CMTM7: variants seen among roughly 807,000 people sequenced by gnomAD.
CMTM7 encodes CKLF like MARVEL transmembrane domain containing 7.
CMTM7 carries 7 observed loss-of-function variants against 19.3 expected under a neutral mutation model. The ratio of observed to expected loss-of-function variants is 0.36; its 90% CI spans 0.21 to 0.68. CMTM7 has a LOEUF of 0.68. Ranked by LOEUF, CMTM7 falls within the 30% of genes least tolerant of loss-of-function variation. CMTM7 has a pLI of 0.60. For missense variants in CMTM7, 193 were observed against 232.6 expected (o/e 0.83, Z 1.11); for synonymous variants, 87 against 99.3 (o/e 0.88, Z 0.74).
chr3:32,417,403 A>G (rs1300322933), intron 1 of CMTM7, among the ~76,000 whole-genome samples: 1 of 152,246 alleles, frequency 6.6e-6, no homozygotes, highest in Non-Finnish European at 1.5e-5. Context: ...TGGATAATAA[A>G]AATATTCTTT....
chr3:32,424,604 C>T (rs1407322978), intron 1 of CMTM7, among the ~76,000 whole-genome samples: 2 of 151,656 alleles, frequency 1.3e-5, no homozygotes, highest in African/African-American at 4.8e-5. Context: ...GCCTCTTGCC[C>T]CCTCTCCCAG....
In CMTM7 at chr3:32,416,377, T is replaced by C. The variant is rs1248892517; in HGVS notation, c.159+24312T>C. Among the ~76,000 whole-genome samples the C allele has an allele frequency of 6.1e-3, 579 of 94,184 alleles. 50 individuals carry two copies. Among genetic ancestry groups the C allele is most frequent in the African/African-American group, 0.024 (548 of 22,766 alleles). The allele number at this position is 94,184 out of a possible 152,430, so 61.8% of individuals were successfully genotyped here. On this transcript the variant is annotated intron_variant, in intron 1 of 4. Transcript: ENST00000334983. ...TCCGGGCTAATTTTTTTTTTTTTTTTTTTTTTTTTTTTTTTTTTTTGAGAC... is the reference window on the plus strand; with the variant it reads ...TCCGGGCTAATTTTTTTTTTTTTTTCTTTTTTTTTTTTTTTTTTTTGAGAC...
intron 1 of CMTM7, among the ~76,000 whole-genome samples, chr3:32,416,289 C>A (rs1696260783): frequency 6.6e-6 from 1 of 151,800 alleles, no homozygotes. Context: ...GCCTCCACCT[C>A]CCAGGTTCAA....
chr3:32,398,293 G>A (rs347134), intron 1 of CMTM7, among the ~76,000 whole-genome samples: 83,134 of 152,084 alleles, frequency 0.55, 25,484 homozygotes, highest in Non-Finnish European at 0.69. Flanking sequence ...AGACTGTGAC[G>A]TTTACATAAC....
intron 1 of CMTM7, among the ~76,000 whole-genome samples, chr3:32,436,575 G>T (rs538302514): frequency 6.6e-6 from 1 of 152,232 alleles, no homozygotes; most frequent in African/African-American, 2.4e-5. Flanking sequence ...TGGGTCTGAG[G>T]CTTTTGATGT....
At chr3:32,415,443 G>A (rs557371562) in intron 1 of CMTM7, among the ~76,000 whole-genome samples, 128 of 152,322 alleles carry the variant, frequency 8.4e-4, no homozygotes, top group Middle Eastern at 3.4e-3. Context: ...TGCCTTTTCA[G>A]TAGGCCCTCC....
intron 1 of CMTM7, among the ~76,000 whole-genome samples, chr3:32,440,321 C>T (rs1432105157): frequency 6.6e-6 from 1 of 151,774 alleles, no homozygotes; most frequent in Non-Finnish European, 1.5e-5. Context: ...GCAAGAGAAT[C>T]GCTTGAATCT....
Position 32,411,061 on chromosome 3 carries a change from G to A in CMTM7, c.159+18996G>A, listed in dbSNP as rs560561810. On this transcript the variant is annotated intron_variant, in intron 1 of 4. Transcript: ENST00000334983. ...GGCGCTACCTTAAGTCACTTCATCA[G>A]ATGTTTATTGAATGGCTGCTCTGTC... Among the ~76,000 whole-genome samples the A allele has an allele frequency of 3.9e-5, 6 of 152,260 alleles. No individual in the cohort carries two copies. In the East Asian group the frequency reaches 1.2e-3, roughly 29 times the overall value.
chr3:32,448,469 A>G (rs1390826055), intron 2 of CMTM7, among the ~76,000 whole-genome samples: 1 of 152,262 alleles, frequency 6.6e-6, no homozygotes, highest in Non-Finnish European at 1.5e-5. Flanking sequence ...CTCATTGAAG[A>G]CAACTGAAAA....
chr3:32,400,461 G>A (rs1232239009), intron 1 of CMTM7, among the ~76,000 whole-genome samples: 24 of 136,106 alleles, frequency 1.8e-4, no homozygotes, highest in African/African-American at 2.2e-4. Flanking sequence ...GCAGTGGCGC[G>A]GGCTCACTGC....
chr3:32,447,941 G>T (rs1696776022), intron 2 of CMTM7, among the ~76,000 whole-genome samples: 1 of 152,152 alleles, frequency 6.6e-6, no homozygotes, highest in Non-Finnish European at 1.5e-5. Context: ...TATTTTGAGA[G>T]AAATTTCTTT....
intron 3 of CMTM7, among the ~76,000 whole-genome samples, chr3:32,450,684 C>A (rs1289916053): frequency 6.6e-6 from 1 of 152,138 alleles, no homozygotes; most frequent in Non-Finnish European, 1.5e-5. Flanking sequence ...GATGGTTGCC[C>A]CCTGAAGCTT....
chr3:32,419,758 A>G (rs1396167567), intron 1 of CMTM7, among the ~76,000 whole-genome samples: 1 of 152,166 alleles, frequency 6.6e-6, no homozygotes, highest in Non-Finnish European at 1.5e-5. Context: ...TATTTCTTAT[A>G]TATGTTGGAT....
rs115493287 is a variant in CMTM7, at chr3:32,397,307, T to C, written c.159+5242T>C. ...TAATATTGTTACTTTCCTATGTGAT[T>C]ATTGATTTTAGCAAGAACTTATGAG... On this transcript the variant is annotated intron_variant, in intron 1 of 4. Coordinates refer to ENST00000334983, the MANE Select transcript of CMTM7 (RefSeq NM_138410.4). Among the ~76,000 whole-genome samples, 322 of 152,280 alleles carry C rather than the reference T, an allele frequency of 2.1e-3. 13 individuals are homozygous for C. Among genetic ancestry groups the C allele is most frequent in the African/African-American group, 7.0e-3 (290 of 41,566 alleles).
At chr3:32,407,333 G>GT (rs1220265019) in intron 1 of CMTM7, among the ~76,000 whole-genome samples, 2 of 152,086 alleles carry the variant, frequency 1.3e-5, no homozygotes, top group African/African-American at 2.4e-5. Flanking sequence ...AAAGAGTTGT[G>GT]TTATATTTTT....
intron 1 of CMTM7, among the ~76,000 whole-genome samples, chr3:32,436,593 C>T (rs1052774064): frequency 6.6e-6 from 1 of 152,156 alleles, no homozygotes; most frequent in Non-Finnish European, 1.5e-5. Context: ...TGTTAGCTTT[C>T]ATCAGTTACT....
At chr3:32,423,166 G>C (rs143284441) in intron 1 of CMTM7, among the ~76,000 whole-genome samples, 1 of 152,274 alleles carries the variant, frequency 6.6e-6, no homozygotes, top group Non-Finnish European at 1.5e-5. Flanking sequence ...TAACTGCAGT[G>C]ACAGCACTGT....
intron 1 of CMTM7, among the ~76,000 whole-genome samples, chr3:32,395,093 C>T (rs1226130385): frequency 3.3e-5 from 5 of 151,250 alleles, no homozygotes; most frequent in Non-Finnish European, 7.4e-5. Context: ...CAGCCTTAAC[C>T]TCCTGGGCTC....
chr3:32,405,363 A>G (rs2125622405), intron 1 of CMTM7, among the ~76,000 whole-genome samples: 1 of 152,346 alleles, frequency 6.6e-6, no homozygotes, highest in East Asian at 1.9e-4. Context: ...CTCCTTAGCA[A>G]GGGAAGATGG....
Sources: gnomAD v4.1 joint callset for allele counts (sites outside exome capture counted in the v4.1 genomes callset) on GRCh38, gnomAD v4.1.1 for gene constraint, MANE v1.5 for transcripts, NCBI Gene and HGNC (gene_info 2026-07-23, HGNC 2026-07-21) for gene names.